SPHKAP: variants seen among roughly 807,000 people sequenced by gnomAD.
SPHKAP encodes SPHK1 interactor, AKAP domain containing.
Under a neutral mutation model 137.5 loss-of-function variants are expected in SPHKAP, and 67 were observed. That is an observed-to-expected ratio of 0.49 (90% CI 0.40 to 0.60). The LOEUF (loss-of-function observed/expected upper bound fraction) is 0.60. SPHKAP is among the 20% of genes least tolerant of loss of function. The pLI is 0.00. For synonymous variants in SPHKAP, 813 were observed against 785.3 expected, an observed-to-expected ratio of 1.04 and a Z score of -0.59; for missense variants, 2,097 against 2,069.3, an observed-to-expected ratio of 1.01 and a Z score of -0.26.
At chr2:227,991,408 T>C in intron 9 of SPHKAP, 82 bp from the exon 10 acceptor site, 2 of 1,607,806 alleles carry the variant, frequency 1.2e-6, no homozygotes, top group Non-Finnish European at 1.7e-6. Flanking sequence ...TGGGTCTTAC[T>C]GATCTAAAAG....
intron 3 of SPHKAP, among the ~76,000 whole-genome samples, chr2:228,067,765 A>T (rs912730894): frequency 5.3e-5 from 8 of 152,236 alleles, no homozygotes; most frequent in African/African-American, 1.9e-4. Context: ...TTACAAACAT[A>T]CATGCATAAT....
chr2:227,982,410 A>G lies in SPHKAP; in HGVS notation c.4960-550T>C, dbSNP rs1392144129. 16 of 969,890 alleles carry G rather than the reference A, an allele frequency of 1.6e-5. No homozygotes were observed. In the South Asian group the frequency reaches 7.6e-4, roughly 46 times the overall value. 60.1% of individuals were successfully genotyped at this position (969,890 alleles called of 1,614,324 possible). On this transcript the variant is annotated intron_variant, in intron 11 of 11. Transcript: ENST00000392056. ...AAGCCTGGCTTTCCACAGCCACAGGATCAGGAAAGATGGAGGAAACACCTT... is the reference window on the plus strand; with the variant it reads ...AAGCCTGGCTTTCCACAGCCACAGGGTCAGGAAAGATGGAGGAAACACCTT...
chr2:228,172,856 A>T, intron 1 of SPHKAP: 1 of 169,930 alleles, frequency 5.9e-6, no homozygotes, highest in Non-Finnish European at 1.2e-5. Flanking sequence ...TGAGATCTTT[A>T]ACACTTACAC....
Position 228,004,095 on chromosome 2 carries a change from G to T in SPHKAP, c.4449-8401C>A, listed in dbSNP as rs147031740. Among the ~76,000 whole-genome samples, 896 of 152,176 alleles carry T rather than the reference G, an allele frequency of 5.9e-3. 8 individuals carry two copies. The highest frequency in any genetic ancestry group is 0.02 in the African/African-American group (850 of 41,536). ...CCTCATAAAATGAGTTAGGGAGGAT[G>T]CCCTCTTTTTCAATTGATTGGAATA... On this transcript the variant is annotated intron_variant, in intron 7 of 11. Coordinates refer to ENST00000392056, the MANE Select transcript of SPHKAP (RefSeq NM_001142644.2).
At chr2:228,125,627 A>G (rs1699052549) in intron 2 of SPHKAP, among the ~76,000 whole-genome samples, 1 of 152,182 alleles carries the variant, frequency 6.6e-6, no homozygotes, top group Non-Finnish European at 1.5e-5. Flanking sequence ...GCAGCCCTGG[A>G]GATAACAGTT....
At chr2:228,177,180 G>A (rs922819607) in intron 1 of SPHKAP, among the ~76,000 whole-genome samples, 1 of 150,578 alleles carries the variant, frequency 6.6e-6, no homozygotes, top group Non-Finnish European at 1.5e-5. Context: ...TAGTTTTAAT[G>A]TTGGTCTTTT....
At chr2:228,111,928 A>G (rs942773819) in intron 2 of SPHKAP, among the ~76,000 whole-genome samples, 7 of 152,076 alleles carry the variant, frequency 4.6e-5, no homozygotes, top group African/African-American at 1.7e-4. Context: ...TTTCTTATGG[A>G]CTTCCATTTT....
At chr2:228,032,224 A>G (rs1574775928) in intron 3 of SPHKAP, among the ~76,000 whole-genome samples, 1 of 152,258 alleles carries the variant, frequency 6.6e-6, no homozygotes, top group Non-Finnish European at 1.5e-5. Context: ...CTCGAGAACT[A>G]CATGAAGGAT....
intron 3 of SPHKAP, among the ~76,000 whole-genome samples, chr2:228,085,734 A>T (rs1375667805): frequency 1.3e-5 from 2 of 152,206 alleles, no homozygotes; most frequent in African/African-American, 2.4e-5. Context: ...GACCTCCGTT[A>T]CAGGTTTTCA....
chr2:228,047,398 G>A (rs1696100443), intron 3 of SPHKAP, among the ~76,000 whole-genome samples: 3 of 151,598 alleles, frequency 2.0e-5, no homozygotes, highest in Non-Finnish European at 2.9e-5. Flanking sequence ...CCCGGGAGGC[G>A]GAGGTTGTAG....
intron 1 of SPHKAP, among the ~76,000 whole-genome samples, chr2:228,171,510 T>C (rs1700583875): frequency 6.6e-6 from 1 of 152,142 alleles, no homozygotes; most frequent in Non-Finnish European, 1.5e-5. Flanking sequence ...AAGAAATAGT[T>C]TTAAGTTAGG....
At chr2:227,989,137 T>G (rs2106157893) in intron 11 of SPHKAP, among the ~76,000 whole-genome samples, 1 of 152,332 alleles carries the variant, frequency 6.6e-6, no homozygotes, top group Non-Finnish European at 1.5e-5. Context: ...CATTTCAGGC[T>G]GCTAGATTTT....
At chr2:228,046,291 C>CT (rs58510792) in intron 3 of SPHKAP, among the ~76,000 whole-genome samples, 18,427 of 82,352 alleles carry the variant, frequency 0.22, 2,437 homozygotes, top group East Asian at 0.43. Flanking sequence ...TGTTGTTATT[C>CT]TTTTTTTTTT....
chr2:228,043,073 C>T (rs942554908), intron 3 of SPHKAP, among the ~76,000 whole-genome samples: 1 of 152,114 alleles, frequency 6.6e-6, no homozygotes, highest in Non-Finnish European at 1.5e-5. Flanking sequence ...AAAATATCAA[C>T]CATTTCCTAG....
chr2:228,091,969 G>A (rs912002914), intron 3 of SPHKAP, among the ~76,000 whole-genome samples: 5 of 151,770 alleles, frequency 3.3e-5, no homozygotes, highest in Non-Finnish European at 7.4e-5. Context: ...ACTTGAACAC[G>A]CATGTTTACA....
chr2:228,108,397 GT>G lies in SPHKAP; in HGVS notation c.246+434del, dbSNP rs138790654. ...ACTGTTTATTTTTTTAGGTTGAAAAGTTTTTTTCAAGGTTTTCAAATAATGA... is the reference window on the plus strand; with the variant it reads ...ACTGTTTATTTTTTTAGGTTGAAAAGTTTTTTCAAGGTTTTCAAATAATGA... On this transcript the variant is annotated intron_variant, in intron 3 of 11. Transcript: ENST00000392056. Among the ~76,000 whole-genome samples the G allele has an allele frequency of 7.7e-3, 1,176 of 152,050 alleles. 19 individuals are homozygous for G. Among genetic ancestry groups the G allele is most frequent in the African/African-American group, 0.027 (1,102 of 41,484 alleles).
At position 227,981,592 on chromosome 2, in the gene SPHKAP, G is replaced by T. The variant is rs947745975; in HGVS notation, c.*125C>A. On this transcript the variant is annotated 3_prime_UTR_variant, in exon 12 of 12. Transcript: ENST00000392056. Reference sequence around the variant, plus strand: ...CTGTATGCAGTGGATCTGAGTAGCAGATTTTTTTTTATAGTTCTGCTAATG... The same window carrying T: ...CTGTATGCAGTGGATCTGAGTAGCATATTTTTTTTTATAGTTCTGCTAATG... 6.9e-6 allele frequency: 9 copies of T among 1,296,822 alleles called. No individual in the cohort carries two copies. In the African/African-American group the frequency reaches 1.4e-4, roughly 20 times the overall value. The allele number at this position is 1,296,822 out of a possible 1,614,324, so 80.3% of individuals were successfully genotyped here. A position where few individuals can be genotyped will look rare whatever the true frequency, so the allele number is the denominator to read the frequency against.
intron 3 of SPHKAP, among the ~76,000 whole-genome samples, chr2:228,046,317 T>C (rs551605756): frequency 8.1e-6 from 1 of 122,722 alleles, no homozygotes; most frequent in East Asian, 2.4e-4. Flanking sequence ...TTTTTTGGTC[T>C]CTGTTGGTAA....
At chr2:228,034,035 A>G (rs1324264003) in intron 3 of SPHKAP, among the ~76,000 whole-genome samples, 4 of 152,250 alleles carry the variant, frequency 2.6e-5, no homozygotes, top group Non-Finnish European at 5.9e-5. Context: ...CAATCAGAGC[A>G]GAACTGAAGG....
Sources: gnomAD v4.1 joint callset for allele counts (sites outside exome capture counted in the v4.1 genomes callset) on GRCh38, gnomAD v4.1.1 for gene constraint, MANE v1.5 for transcripts, NCBI Gene and HGNC (gene_info 2026-07-23, HGNC 2026-07-21) for gene names.